CCDC33: variants seen among roughly 807,000 people sequenced by gnomAD.
CCDC33 encodes coiled-coil domain-containing protein 33.
Under a neutral mutation model 91.9 loss-of-function variants are expected in CCDC33, and 94 were observed. The ratio of observed to expected loss-of-function variants is 1.02; its 90% CI spans 0.87 to 1.21. The LOEUF (loss-of-function observed/expected upper bound fraction) is 1.21, where lower values mean the gene tolerates loss of function less well. CCDC33 is among the 50% of genes most tolerant of loss of function. The probability of loss-of-function intolerance (pLI) is 0.00; values close to 1 mark genes in which losing one functional copy is unlikely to be tolerated. For missense variants in CCDC33, 940 were observed against 935.5 expected, an observed-to-expected ratio of 1.00 and a Z score of -0.06; for synonymous variants, 396 against 374.5, an observed-to-expected ratio of 1.06 and a Z score of -0.66.
At chr15:74,266,653 C>A in intron 3 of CCDC33, 25 bp from the exon 4 acceptor site, 2 of 1,520,166 alleles carry the variant, frequency 1.3e-6, no homozygotes, top group Non-Finnish European at 1.8e-6. Flanking sequence ...AAAAATAAAC[C>A]TGGGCTCATT....
At chr15:74,334,343 T>C (rs934397347) in intron 17 of CCDC33, among the ~76,000 whole-genome samples, 2 of 150,804 alleles carry the variant, frequency 1.3e-5, no homozygotes, top group South Asian at 4.2e-4. Context: ...GGGTTAGGGT[T>C]CAGTGTGTGA....
chr15:74,327,735 G>A (rs1345711953), intron 11 of CCDC33, among the ~76,000 whole-genome samples: 1 of 152,196 alleles, frequency 6.6e-6, no homozygotes, highest in Non-Finnish European at 1.5e-5. Flanking sequence ...ATGAGAAGAG[G>A]GGGTGATCAG....
chr15:74,203,096 C>A (rs759731164), exon 1 of CCDC33: 187 of 985,436 alleles, frequency 1.9e-4, no homozygotes, highest in Non-Finnish European at 2.2e-4. Context: ...CAGCAACAAC[C>A]GAGTGAGACG....
upstream of CCDC33, among the ~76,000 whole-genome samples, chr15:74,214,978 A>C (rs1273345358): frequency 6.6e-6 from 1 of 152,238 alleles, no homozygotes; most frequent in Non-Finnish European, 1.5e-5. Context: ...GTGGGCACAC[A>C]AACATGATTC....
intron 11 of CCDC33, among the ~76,000 whole-genome samples, chr15:74,329,926 G>T (rs2060390758): frequency 6.6e-6 from 1 of 152,218 alleles, no homozygotes; most frequent in Non-Finnish European, 1.5e-5. Context: ...CACACCTGGG[G>T]TTTCCCCCTG....
chr15:74,273,644 C>A (rs553753209), intron 7 of CCDC33, among the ~76,000 whole-genome samples: 1 of 148,214 alleles, frequency 6.7e-6, no homozygotes, highest in South Asian at 2.2e-4. Context: ...AATTTTTATC[C>A]TTTTAGTAGA....
intron 11 of CCDC33, chr15:74,301,266 A>G (rs2059789814): frequency 6.6e-6 from 1 of 152,220 alleles, no homozygotes; most frequent in African/African-American, 2.4e-5. Flanking sequence ...AGGGGGCTCT[A>G]TGCCACCTCT....
chr15:74,273,430 C>T (rs1298493807), intron 7 of CCDC33, among the ~76,000 whole-genome samples: 2 of 152,228 alleles, frequency 1.3e-5, no homozygotes, highest in African/African-American at 4.8e-5. Context: ...TTAAAAATGG[C>T]TACAATGGTG....
chr15:74,291,008 A>G (rs569580691), intron 10 of CCDC33, among the ~76,000 whole-genome samples: 1 of 152,358 alleles, frequency 6.6e-6, no homozygotes, highest in East Asian at 1.9e-4. Flanking sequence ...AAAAATTCTT[A>G]TCAGTGGCAC....
At position 74,333,934 on chromosome 15, in the gene CCDC33, C is replaced by T. The variant is rs568432277; in HGVS notation, c.1992C>T (p.His664=). The T allele has an allele frequency of 5.7e-4, 927 of 1,613,708 alleles. 8 individuals carry two copies. In the South Asian group the frequency reaches 9.3e-3, roughly 16 times the overall value. Residue 664 remains histidine (H), a synonymous_variant, in exon 17 of 19, where the codon CAC becomes CAT. Transcript: ENST00000398814. ...DKFNLLAKLE[H]AQSRILSLES... The stretch of plus-strand genomic sequence containing the variant: ...TCAACCTCCTGGCCAAGCTGGAACA[C>T]GCTCAGAGCCGGATCCTGTCCCTGG...
chr15:74,235,263 A>G (rs778118587), upstream of CCDC33, among the ~76,000 whole-genome samples: 3 of 152,132 alleles, frequency 2.0e-5, no homozygotes, highest in Non-Finnish European at 2.9e-5. Flanking sequence ...TGGTCCTTTC[A>G]GTTCTAATCA....
intron 4 of CCDC33, among the ~76,000 whole-genome samples, chr15:74,267,377 A>G (rs963486139): frequency 5.9e-5 from 9 of 152,322 alleles, no homozygotes; most frequent in Middle Eastern, 6.8e-3. Context: ...GGAATAAAGC[A>G]TTCCCTGGAA....
chr15:74,331,867 T>C (rs1422847056), intron 15 of CCDC33, among the ~76,000 whole-genome samples: 1 of 151,948 alleles, frequency 6.6e-6, no homozygotes, highest in East Asian at 1.9e-4. Flanking sequence ...CCATCTCTAC[T>C]AAAAATACAA....
At chr15:74,330,139 C>G (rs1355190954) in intron 11 of CCDC33, 50 bp from the exon 12 acceptor site, 5 of 1,509,056 alleles carry the variant, frequency 3.3e-6, no homozygotes, top group East Asian at 4.7e-5. Flanking sequence ...GATGTGGGAC[C>G]AGGGTTGCTA....
intron 1 of CCDC33, chr15:74,207,904 C>T (rs1238093968): frequency 6.1e-6 from 9 of 1,485,362 alleles, no homozygotes; most frequent in South Asian, 4.0e-5. Context: ...CGTCGGCTGC[C>T]GTGCTCACGG....
chr15:74,259,398 C>CTGTGTG (rs1175153937), intron 2 of CCDC33, among the ~76,000 whole-genome samples: 1 of 152,044 alleles, frequency 6.6e-6, no homozygotes, highest in Admixed American at 6.5e-5. Flanking sequence ...TGCTCCTATT[C>CTGTGTG]TGTGAAGAAT....
intron 2 of CCDC33, among the ~76,000 whole-genome samples, chr15:74,226,752 T>A (rs1454645973): frequency 6.7e-6 from 1 of 148,768 alleles, no homozygotes; most frequent in Non-Finnish European, 1.5e-5. Context: ...CGCTTGAACC[T>A]GGGAGGCAGA....
chr15:74,274,308 A>C (rs2076396592), intron 7 of CCDC33, among the ~76,000 whole-genome samples: 1 of 152,236 alleles, frequency 6.6e-6, no homozygotes, highest in Non-Finnish European at 1.5e-5. Flanking sequence ...TCAGGGGAAT[A>C]GCCAGATTGG....
chr15:74,333,550 G>A (rs894233521), intron 16 of CCDC33, among the ~76,000 whole-genome samples: 1 of 152,182 alleles, frequency 6.6e-6, no homozygotes, highest in African/African-American at 2.4e-5. Flanking sequence ...GAGGGATGAG[G>A]TCAACTGCCT....
Sources: gnomAD v4.1 joint callset for allele counts (sites outside exome capture counted in the v4.1 genomes callset) on GRCh38, gnomAD v4.1.1 for gene constraint, MANE v1.5 for transcripts, NCBI Gene and HGNC (gene_info 2026-07-23, HGNC 2026-07-21) for gene names.